AP1B1: variants seen among roughly 807,000 people sequenced by gnomAD.
AP1B1 encodes the protein AP-1 complex subunit beta-1.
AP1B1 carries 36 observed loss-of-function variants against 104.3 expected under a neutral mutation model. That is an observed-to-expected ratio of 0.35 (90% CI 0.26 to 0.46). AP1B1 has a LOEUF of 0.46. AP1B1 is among the 20% of genes least tolerant of loss of function. AP1B1 has a pLI of 1.00. For synonymous variants in AP1B1, 504 were observed against 517.5 expected (o/e 0.97, Z 0.35); for missense variants, 901 against 1,247.9 (o/e 0.72, Z 4.19).
rs573218951 is a variant in AP1B1 at position 29,365,407 on chromosome 22, A to G, written c.37+1800T>C. ...GTGCCTGTAGTCCCAGCTACTTGGG[A>G]GAATTGCTTGAACCCAGGAGGCTGC... On this transcript the variant is annotated intron_variant, in intron 2 of 22. Coordinates refer to ENST00000357586, the MANE Select transcript of AP1B1 (RefSeq NM_001127.4). Among the ~76,000 whole-genome samples, 208 of 152,264 alleles carry G rather than the reference A, an allele frequency of 1.4e-3. 4 individuals carry two copies. Among genetic ancestry groups the G allele is most frequent in the Non-Finnish European group, 1.6e-3 (106 of 68,008 alleles).
intron 5 of AP1B1, 32 bp downstream of exon 5, chr22:29,358,694 T>C (rs774961130): frequency 6.3e-7 from 1 of 1,592,602 alleles, no homozygotes; most frequent in Non-Finnish European, 8.6e-7. Flanking sequence ...CAGGAGGTGG[T>C]GGAGGTAGCA....
chr22:29,364,698 G>A (rs1165391652), intron 2 of AP1B1, among the ~76,000 whole-genome samples: 1 of 150,066 alleles, frequency 6.7e-6, no homozygotes, highest in Non-Finnish European at 1.5e-5. Context: ...ACAGGCATGA[G>A]CCACCACGCC....
rs192027781 is a variant in AP1B1, at chr22:29,385,123, G to A, written c.-28+3301C>T. ...TGGGAGGCCAGGTGTGGTGGCTCACGCCTGTAATCCCAGCACTTTGGGAGG... is the reference window on the plus strand; with the variant it reads ...TGGGAGGCCAGGTGTGGTGGCTCACACCTGTAATCCCAGCACTTTGGGAGG... On this transcript the variant is annotated intron_variant, in intron 1 of 22. Transcript: ENST00000357586. Among the ~76,000 whole-genome samples, 98 of 151,352 alleles carry A rather than the reference G, an allele frequency of 6.5e-4. 2 individuals are homozygous for A. The highest frequency in any genetic ancestry group is 2.4e-3 in the African/African-American group (97 of 41,224).
intron 11 of AP1B1, among the ~76,000 whole-genome samples, chr22:29,347,081 C>T (rs2061804770): frequency 1.3e-5 from 2 of 152,242 alleles, no homozygotes; most frequent in Non-Finnish European, 1.5e-5. Context: ...AGTTATTGTG[C>T]CATAAGGACA....
intron 2 of AP1B1, among the ~76,000 whole-genome samples, chr22:29,366,203 A>C (rs369963921): frequency 6.6e-6 from 1 of 152,248 alleles, no homozygotes; most frequent in South Asian, 2.1e-4. Context: ...AAGCAGAAAC[A>C]ACCAAAATAC....
chr22:29,357,795 C>G (rs924065809), intron 5 of AP1B1, among the ~76,000 whole-genome samples: 4 of 146,044 alleles, frequency 2.7e-5, no homozygotes, highest in African/African-American at 1.0e-4. Context: ...ACAAGTGATT[C>G]TCCTGCTTCA....
At chr22:29,369,090 G>C (rs2062189654) in intron 1 of AP1B1, among the ~76,000 whole-genome samples, 1 of 152,126 alleles carries the variant, frequency 6.6e-6, no homozygotes, top group African/African-American at 2.4e-5. Context: ...GTCTATGGAA[G>C]GGACTCAAAC....
At chr22:29,370,052 A>G (rs993153442) in intron 1 of AP1B1, among the ~76,000 whole-genome samples, 4 of 152,100 alleles carry the variant, frequency 2.6e-5, no homozygotes, top group East Asian at 3.9e-4. Flanking sequence ...ATCATTTCTC[A>G]AGGTTGAGTG....
intron 9 of AP1B1, 33 bp from the exon 10 acceptor site, chr22:29,350,183 C>T (rs761291771): frequency 6.4e-7 from 1 of 1,568,656 alleles, no homozygotes; most frequent in Non-Finnish European, 8.8e-7. Context: ...GGGCGAGGTC[C>T]CCGCACCCCA....
At chr22:29,341,956 A>G (rs2061722317) in intron 12 of AP1B1, among the ~76,000 whole-genome samples, 196 bp from the exon 13 acceptor site, 1 of 151,952 alleles carries the variant, frequency 6.6e-6, no homozygotes, top group African/African-American at 2.4e-5. Flanking sequence ...ATGGTACTCT[A>G]CTCCAGCCTG....
chr22:29,385,654 C>T (rs1216089506), intron 1 of AP1B1, among the ~76,000 whole-genome samples: 1 of 152,286 alleles, frequency 6.6e-6, no homozygotes, highest in Non-Finnish European at 1.5e-5. Context: ...TGTTCCTCTC[C>T]ATGTGAAGAC....
intron 11 of AP1B1, among the ~76,000 whole-genome samples, chr22:29,348,183 CA>C (rs2061820934): frequency 6.6e-6 from 1 of 152,236 alleles, no homozygotes; most frequent in Non-Finnish European, 1.5e-5. Context: ...GCCCCCAAAT[CA>C]AGACTCATGG....
chr22:29,379,666 G>A (rs1248266037), intron 1 of AP1B1, among the ~76,000 whole-genome samples: 3 of 152,184 alleles, frequency 2.0e-5, no homozygotes, highest in African/African-American at 7.2e-5. Flanking sequence ...TCCAGAGGAG[G>A]AGGGTTCTGA....
At chr22:29,356,294 G>T in intron 6 of AP1B1, 132 bp downstream of exon 6, 1 of 931,902 alleles carries the variant, frequency 1.1e-6, no homozygotes, top group Non-Finnish European at 1.6e-6. Flanking sequence ...CCCTTTAGGT[G>T]TGTCTGAGGG....
intron 1 of AP1B1, among the ~76,000 whole-genome samples, chr22:29,386,609 G>A (rs1239728613): frequency 6.6e-6 from 1 of 151,956 alleles, no homozygotes; most frequent in Non-Finnish European, 1.5e-5. Context: ...ACAATATTAA[G>A]TTTCTGTGAA....
chr22:29,356,627 G>A lies in AP1B1; in HGVS notation c.526-11C>T, dbSNP rs772634419. On this transcript the variant is annotated splice_polypyrimidine_tract_variant and intron_variant, in intron 5 of 22. Transcript: ENST00000357586. ...TGCATTGGCCACCACCTGGTTGAGA[G>A]GGTGGGAGGGGCAGAGGCTGGGGGT... The A allele has an allele frequency of 1.9e-5, 30 of 1,612,830 alleles. No homozygotes were observed. Among genetic ancestry groups the A allele is most frequent in the Non-Finnish European group, 2.5e-5 (29 of 1,179,240 alleles).
chr22:29,341,857 G>A (rs990158297), intron 12 of AP1B1, 97 bp from the exon 13 acceptor site: 35 of 1,395,250 alleles, frequency 2.5e-5, no homozygotes, highest in Non-Finnish European at 3.4e-5. Context: ...GCACAGGGGT[G>A]GCCAATGGGG....
intron 9 of AP1B1, 40 bp from the exon 10 acceptor site, chr22:29,350,190 C>T (rs764998418): frequency 6.5e-7 from 1 of 1,540,012 alleles, no homozygotes. Flanking sequence ...GTCCCCGCAC[C>T]CCATTTCCAG....
Position 29,330,450 on chromosome 22 carries a change from C to T in AP1B1, c.2694G>A (p.Gln898=). The change falls in exon 21 of 23, where the codon CAG becomes CAA. Residue 898 remains glutamine (Q), a synonymous_variant. Transcript: ENST00000357586. ...RNVEGQDMLY[Q]SLKLTNGIWV... is the part of the protein sequence containing the mutation. ...AGATGCCGTTGGTCAGCTTCAGGGA[C>T]TGGTAGAGCATGTCCTGGCCCTCCA... is the stretch of plus-strand genomic sequence containing the variant. 6.2e-7 allele frequency: 1 copy of T among 1,613,942 alleles called. No homozygotes were observed. The highest frequency in any genetic ancestry group is 8.5e-7 in the Non-Finnish European group (1 of 1,179,978).
Sources: gnomAD v4.1 joint callset for allele counts (sites outside exome capture counted in the v4.1 genomes callset) on GRCh38, gnomAD v4.1.1 for gene constraint, MANE v1.5 for transcripts, NCBI Gene and HGNC (gene_info 2026-07-23, HGNC 2026-07-21) for gene names.